NRG1: variants seen among roughly 807,000 people sequenced by gnomAD.
NRG1 encodes the protein neuregulin 1.
NRG1 carries 18 observed loss-of-function variants against 63.8 expected under a neutral mutation model. The observed-to-expected ratio is 0.28, with a 90% CI of 0.19 to 0.42. The LOEUF (loss-of-function observed/expected upper bound fraction) is 0.42. Ranked by LOEUF, NRG1 falls within the 10% of genes least tolerant of loss-of-function variation. The probability of loss-of-function intolerance (pLI) is 1.00; values close to 1 mark genes in which losing one functional copy is unlikely to be tolerated. For missense variants in NRG1, 762 were observed against 814.7 expected, an observed-to-expected ratio of 0.94 and a Z score of 0.79; for synonymous variants, 302 against 301.3, an observed-to-expected ratio of 1.00 and a Z score of -0.02.
At chr8:31,966,725 C>G (rs1806395994) in intron 1 of NRG1, among the ~76,000 whole-genome samples, 1 of 152,112 alleles carries the variant, frequency 6.6e-6, no homozygotes, top group African/African-American at 2.4e-5. Flanking sequence ...GTGAGAATAA[C>G]CTATGTATAT....
chr8:31,928,998 A>G (rs1440628252), intron 1 of NRG1, among the ~76,000 whole-genome samples: 1 of 152,176 alleles, frequency 6.6e-6, no homozygotes, highest in Admixed American at 6.5e-5. Flanking sequence ...ACCAGAAGCC[A>G]CTTGTATCCC....
rs375667912 is a variant in NRG1, at chr8:31,921,904, G to T, written c.37+282473G>T. On this transcript the variant is annotated intron_variant, in intron 1 of 10. Transcript: ENST00000519301. ...GCATGTCCCCTCTATATGAGACTTT[G>T]TTAATTTTCTTAATTTAAAAAATTT... Among the ~76,000 whole-genome samples, 71 of 152,150 alleles carry T rather than the reference G, an allele frequency of 4.7e-4. 1 individual carries two copies. The South Asian group carries it at 0.014, about 29-fold the overall frequency.
intron 1 of NRG1, among the ~76,000 whole-genome samples, chr8:32,132,422 G>A (rs898471609): frequency 2.0e-5 from 3 of 152,016 alleles, no homozygotes; most frequent in Non-Finnish European, 2.9e-5. Flanking sequence ...AAACTTGTAC[G>A]TTTATATAAA....
intron 1 of NRG1, among the ~76,000 whole-genome samples, chr8:32,039,230 A>T (rs1819543987): frequency 6.6e-6 from 1 of 152,228 alleles, no homozygotes; most frequent in Non-Finnish European, 1.5e-5. Flanking sequence ...ACATAAAACA[A>T]ATAGGATATT....
At chr8:32,448,988 G>A (rs13266179) in intron 1 of NRG1, among the ~76,000 whole-genome samples, 7,982 of 152,154 alleles carry the variant, frequency 0.052, 281 homozygotes, top group Middle Eastern at 0.086. Context: ...GAGGAAAGCG[G>A]TGTTTAAAAT....
intron 1 of NRG1, among the ~76,000 whole-genome samples, chr8:32,538,642 G>C (rs1031535119): frequency 6.6e-6 from 1 of 152,188 alleles, no homozygotes. Flanking sequence ...CTTTGTTAAA[G>C]TATATTGAGT....
intron 1 of NRG1, among the ~76,000 whole-genome samples, chr8:32,314,453 C>G (rs200407345): frequency 3.9e-5 from 6 of 152,134 alleles, no homozygotes; most frequent in Admixed American, 2.0e-4. Flanking sequence ...CGCGTGAAGA[C>G]TAAGTAGACG....
intron 5 of NRG1, among the ~76,000 whole-genome samples, chr8:32,644,917 A>G (rs1052380098): frequency 7.3e-5 from 11 of 150,646 alleles, no homozygotes; most frequent in Middle Eastern, 3.4e-3. Flanking sequence ...CATGCTTGGT[A>G]TTTTCTCCTA....
At chr8:31,665,601 T>C (rs2130963689) in intron 1 of NRG1, among the ~76,000 whole-genome samples, 1 of 152,340 alleles carries the variant, frequency 6.6e-6, no homozygotes, top group South Asian at 2.1e-4. Context: ...TTGTAGCATT[T>C]TAAACTAGAT....
In NRG1 at chr8:32,447,397, C is replaced by A. The variant is rs369086296; in HGVS notation, c.38-148431C>A. ...GGAAATGGTGGTATAGCAAGTCCAT[C>A]TGAAACACTTCTGCAAAATAACAAT... On this transcript the variant is annotated intron_variant, in intron 1 of 10. Transcript: ENST00000519301. Among the ~76,000 whole-genome samples, 7 of 152,242 alleles carry A rather than the reference C, an allele frequency of 4.6e-5. No homozygotes were observed. The South Asian group carries it at 6.2e-4, about 14-fold the overall frequency.
chr8:31,826,556 T>C (rs1824587188), intron 1 of NRG1, among the ~76,000 whole-genome samples: 1 of 152,168 alleles, frequency 6.6e-6, no homozygotes, highest in South Asian at 2.1e-4. Context: ...CTTTATAAAT[T>C]ACCAAGTCTT....
chr8:32,055,651 G>A (rs1822790985), intron 1 of NRG1, among the ~76,000 whole-genome samples: 1 of 146,414 alleles, frequency 6.8e-6, no homozygotes, highest in Non-Finnish European at 1.5e-5. Flanking sequence ...CCTATAGGAA[G>A]GTATACTACA....
intron 1 of NRG1, among the ~76,000 whole-genome samples, chr8:32,431,403 G>C (rs1818133365): frequency 6.6e-6 from 1 of 152,052 alleles, no homozygotes; most frequent in Non-Finnish European, 1.5e-5. Context: ...CACACGTCCT[G>C]GTCCAGCACT....
intron 1 of NRG1, among the ~76,000 whole-genome samples, chr8:32,111,620 A>G (rs1235248292): frequency 6.6e-6 from 1 of 152,224 alleles, no homozygotes; most frequent in African/African-American, 2.4e-5. Flanking sequence ...TTAATTGTCC[A>G]ATATTTCTCA....
intron 7 of NRG1, among the ~76,000 whole-genome samples, chr8:32,747,919 C>T (rs1465268100): frequency 6.6e-6 from 1 of 151,840 alleles, no homozygotes; most frequent in African/African-American, 2.4e-5. Context: ...GCTGTTAAAC[C>T]CTTCTGCTGT....
intron 5 of NRG1, among the ~76,000 whole-genome samples, chr8:32,658,253 T>A (rs1802002800): frequency 6.6e-6 from 1 of 152,246 alleles, no homozygotes; most frequent in Non-Finnish European, 1.5e-5. Context: ...TCAAGATTGC[T>A]GAGTTTTCTG....
intron 1 of NRG1, among the ~76,000 whole-genome samples, chr8:31,825,816 C>A (rs1385651108): frequency 6.6e-6 from 1 of 152,188 alleles, no homozygotes; most frequent in Admixed American, 6.5e-5. Context: ...CACTCTTAGG[C>A]ATTCAACAAA....
At chr8:32,730,732 T>C (rs1248241757) in intron 6 of NRG1, among the ~76,000 whole-genome samples, 1 of 152,174 alleles carries the variant, frequency 6.6e-6, no homozygotes, top group Non-Finnish European at 1.5e-5. Context: ...TTTTAGTTTG[T>C]AAGGTTTTCT....
intron 1 of NRG1, among the ~76,000 whole-genome samples, chr8:31,829,438 TGGACA>T (rs1318323564): frequency 6.6e-6 from 1 of 152,228 alleles, no homozygotes; most frequent in South Asian, 2.1e-4. Context: ...TCACAGCAAC[TGGACA>T]TTACATAGCA....
Sources: allele counts gnomAD v4.1 joint callset (sites outside exome capture counted in the v4.1 genomes callset), GRCh38; gene constraint gnomAD v4.1.1; transcripts MANE v1.5; gene names NCBI Gene and HGNC (gene_info 2026-07-23, HGNC 2026-07-21).